The following NEBL variants were observed in gnomAD, a reference collection of about 807,000 sequenced individuals.
The protein encoded by NEBL is nebulette.
NEBL carries 122 observed loss-of-function variants against 140.2 expected under a neutral mutation model. That is an observed-to-expected ratio of 0.87 (90% CI 0.75 to 1.01). NEBL has a LOEUF of 1.01. Ranked by LOEUF, NEBL falls within the 50% of genes least tolerant of loss-of-function variation. NEBL has a pLI of 0.00. For missense variants in NEBL, 1,365 were observed against 1,231.3 expected, an observed-to-expected ratio of 1.11 and a Z score of -1.62; for synonymous variants, 436 against 398.9, an observed-to-expected ratio of 1.09 and a Z score of -1.11.
At chr10:20,861,338 C>T (rs1843681496) in intron 7 of NEBL, among the ~76,000 whole-genome samples, 1 of 152,162 alleles carries the variant, frequency 6.6e-6, no homozygotes, top group South Asian at 2.1e-4. Context: ...CCACCACGCT[C>T]AGCTAATTTT....
chr10:20,866,461 G>A (rs1196570170), intron 7 of NEBL, among the ~76,000 whole-genome samples: 1 of 152,044 alleles, frequency 6.6e-6, no homozygotes, highest in Non-Finnish European at 1.5e-5. Flanking sequence ...CTAAGCAATG[G>A]CTTATACTCA....
At chr10:21,279,836 G>C (rs890619308) in intron 1 of NEBL, among the ~76,000 whole-genome samples, 4 of 151,862 alleles carry the variant, frequency 2.6e-5, no homozygotes, top group African/African-American at 9.7e-5. Flanking sequence ...TGTGTCCCAC[G>C]GGCCATCATT....
chr10:21,075,535 G>A (rs1186331462), intron 2 of NEBL, among the ~76,000 whole-genome samples: 7 of 152,166 alleles, frequency 4.6e-5, no homozygotes, highest in Non-Finnish European at 7.3e-5. Flanking sequence ...GGTGACAGGG[G>A]TTGCTTTGTC....
At chr10:20,971,417 T>G (rs1469264505) in intron 3 of NEBL, among the ~76,000 whole-genome samples, 2 of 151,992 alleles carry the variant, frequency 1.3e-5, no homozygotes, top group African/African-American at 4.8e-5. Flanking sequence ...ATAAATAGCT[T>G]AATTCACACA....
chr10:20,881,250 A>T (rs1305695182), intron 4 of NEBL, among the ~76,000 whole-genome samples: 1 of 152,230 alleles, frequency 6.6e-6, no homozygotes, highest in Non-Finnish European at 1.5e-5. Flanking sequence ...AAAAACAACT[A>T]AGTAGAGGGG....
chr10:21,261,410 A>G (rs922555627), intron 1 of NEBL, among the ~76,000 whole-genome samples: 4 of 152,164 alleles, frequency 2.6e-5, no homozygotes, highest in African/African-American at 9.7e-5. Context: ...CTGTAAGCCT[A>G]GCACTTTGGG....
Position 20,785,749 on chromosome 10 carries a change from A to G in NEBL, c.3043T>C (p.Ter1015GlnextTer7), listed in dbSNP as rs763015983. ...LPANYIEFVN[*>Q] ...GCTCAAAGGGCAGGGAGAAATAATT[A>G]ATTAACAAACTCAATGTAATTCGCT... Residue 1015 changes from the stop codon to glutamine (Q), a stop_lost, in exon 28 of 28, where the codon TAA becomes CAA. Transcript: ENST00000377122. The G allele has an allele frequency of 1.9e-6, 3 of 1,613,576 alleles. No individual in the cohort carries two copies. Among genetic ancestry groups the G allele is most frequent in the Non-Finnish European group, 2.5e-6 (3 of 1,179,816 alleles).
At chr10:21,168,495 G>A (rs1439264500) in intron 2 of NEBL, among the ~76,000 whole-genome samples, 1 of 152,014 alleles carries the variant, frequency 6.6e-6, no homozygotes, top group African/African-American at 2.4e-5. Flanking sequence ...TTTCATAACA[G>A]CTAAATGTAA....
intron 2 of NEBL, among the ~76,000 whole-genome samples, chr10:21,040,668 C>A (rs1834231398): frequency 6.6e-6 from 1 of 152,088 alleles, no homozygotes; most frequent in Admixed American, 6.6e-5. Context: ...TTAGGAATCA[C>A]ATTTCTTTTT....
At chr10:21,154,572 CAG>C (rs561684644) in intron 2 of NEBL, among the ~76,000 whole-genome samples, 3 of 151,628 alleles carry the variant, frequency 2.0e-5, no homozygotes, top group Admixed American at 6.6e-5. Context: ...CAATATGAAA[CAG>C]AATATGAGAA....
chr10:21,033,402 C>T (rs1277518245), intron 2 of NEBL, among the ~76,000 whole-genome samples: 1 of 151,988 alleles, frequency 6.6e-6, no homozygotes, highest in Non-Finnish European at 1.5e-5. Flanking sequence ...TGGGGGAAAA[C>T]CATAAAATAA....
intron 2 of NEBL, chr10:21,113,383 GA>G: frequency 9.8e-6 from 4 of 408,394 alleles, no homozygotes; most frequent in South Asian, 2.0e-5. Context: ...AACAAACACA[GA>G]AAAAGGTGGT....
rs1364389456 is a variant in NEBL, at chr10:20,812,413, C to G, written c.2518+356G>C. Among the ~76,000 whole-genome samples the G allele has an allele frequency of 2.0e-5, 3 of 151,786 alleles. No homozygotes were observed. In the East Asian group the frequency reaches 5.8e-4, roughly 29 times the overall value. ...CGTATACATGTGCCACGTTGGTGTG[C>G]TGCACCCTTAACTCGTCATTTACAT... On this transcript the variant is annotated intron_variant, in intron 24 of 27. Transcript: ENST00000377122.
At chr10:20,938,667 T>A (rs184114790) in intron 4 of NEBL, among the ~76,000 whole-genome samples, 2 of 151,888 alleles carry the variant, frequency 1.3e-5, no homozygotes, top group African/African-American at 2.4e-5. Flanking sequence ...TTCGAACCCA[T>A]GGCAAAGAAG....
chr10:20,793,413 A>C (rs1448120787), intron 26 of NEBL: 2 of 923,662 alleles, frequency 2.2e-6, no homozygotes, highest in Admixed American at 6.2e-5. Flanking sequence ...GACTGAGGAC[A>C]GAGGAAGAAT....
chr10:20,951,909 TA>T (rs1835489431), intron 4 of NEBL, among the ~76,000 whole-genome samples: 1 of 152,202 alleles, frequency 6.6e-6, no homozygotes, highest in Admixed American at 6.5e-5. Flanking sequence ...TAGTCTTTGT[TA>T]GACTTTCCCT....
chr10:21,112,872 C>A, intron 2 of NEBL: 1 of 307,268 alleles, frequency 3.3e-6, no homozygotes, highest in Non-Finnish European at 6.2e-6. Flanking sequence ...TATTCATAGA[C>A]AGTATTTAGT....
chr10:20,977,391 C>T (rs972099341), intron 3 of NEBL, among the ~76,000 whole-genome samples: 1 of 152,190 alleles, frequency 6.6e-6, no homozygotes, highest in East Asian at 1.9e-4. Flanking sequence ...CACCTGACAT[C>T]TAAATCATGT....
intron 3 of NEBL, among the ~76,000 whole-genome samples, chr10:21,187,856 T>C (rs1841502258): frequency 6.6e-6 from 1 of 152,164 alleles, no homozygotes; most frequent in African/African-American, 2.4e-5. Flanking sequence ...TATTTCACAA[T>C]GGTTCCTTTT....
Sources: allele counts gnomAD v4.1 joint callset (sites outside exome capture counted in the v4.1 genomes callset), GRCh38; gene constraint gnomAD v4.1.1; transcripts MANE v1.5; gene names NCBI Gene and HGNC (gene_info 2026-07-23, HGNC 2026-07-21).